The following QTMAN variants were observed in gnomAD, a reference collection of about 807,000 sequenced individuals.
QTMAN encodes the protein queuosine-tRNA mannosyltransferase, also known as tRNA-queuosine alpha-mannosyltransferase.
At chr2:144,268,240 T>C in the QTMAN span, among the ~76,000 whole-genome samples, 435 of 152,320 alleles carry the variant, frequency 2.9e-3, 3 homozygotes, top group Middle Eastern at 0.027. Flanking sequence ...CCCTTTCTTC[T>C]GCCATGAATG....
the QTMAN span, among the ~76,000 whole-genome samples, chr2:144,115,865 A>T: frequency 6.6e-6 from 1 of 152,218 alleles, no homozygotes; most frequent in Admixed American, 6.5e-5. Flanking sequence ...AATGGTATTC[A>T]GAGAAATTCT....
the QTMAN span, among the ~76,000 whole-genome samples, chr2:144,068,227 C>T: frequency 6.6e-6 from 1 of 152,142 alleles, no homozygotes; most frequent in Non-Finnish European, 1.5e-5. Flanking sequence ...TTTAAACCCT[C>T]ACTTTATCAG....
chr2:144,040,337 T>C, the QTMAN span, among the ~76,000 whole-genome samples: 1 of 152,062 alleles, frequency 6.6e-6, no homozygotes, highest in Admixed American at 6.6e-5. Context: ...TACTTTATTA[T>C]CACTTGCTTC....
chr2:144,093,772 ATATTTAT>A, the QTMAN span, among the ~76,000 whole-genome samples: 40 of 152,276 alleles, frequency 2.6e-4, no homozygotes, highest in African/African-American at 9.4e-4. Flanking sequence ...AAGGGAAGCA[ATATTTAT>A]GTGGATATGT....
the QTMAN span, among the ~76,000 whole-genome samples, chr2:144,282,590 T>C: frequency 6.6e-6 from 1 of 152,076 alleles, no homozygotes; most frequent in Non-Finnish European, 1.5e-5. Flanking sequence ...CTTCCATCTA[T>C]AAAGTTCTAT....
chr2:144,023,488 A>G, the QTMAN span, among the ~76,000 whole-genome samples: 1 of 152,216 alleles, frequency 6.6e-6, no homozygotes, highest in Non-Finnish European at 1.5e-5. Flanking sequence ...CCCTCTTCTG[A>G]GCTTTAAAAA....
chr2:144,141,856 T>C, the QTMAN span: 1 of 1,530,602 alleles, frequency 6.5e-7, no homozygotes, highest in Non-Finnish European at 8.9e-7. Flanking sequence ...TGACACAATA[T>C]TGAGAACAGA....
chr2:144,252,187 C>G, the QTMAN span, among the ~76,000 whole-genome samples: 1 of 152,060 alleles, frequency 6.6e-6, no homozygotes, highest in Non-Finnish European at 1.5e-5. Context: ...GGCAACAAAG[C>G]AAGACCCTGT....
At chr2:144,141,868 T>A in the QTMAN span, 1 of 1,573,908 alleles carries the variant, frequency 6.4e-7, no homozygotes, top group Non-Finnish European at 8.7e-7. Flanking sequence ...GAGAACAGAG[T>A]CAAACATACT....
chr2:144,135,282 C>G, the QTMAN span, among the ~76,000 whole-genome samples: 1 of 152,136 alleles, frequency 6.6e-6, no homozygotes. Context: ...TGCGCAGATG[C>G]AGCCTGCTCC....
chr2:144,067,276 T>C, the QTMAN span, among the ~76,000 whole-genome samples: 1 of 152,194 alleles, frequency 6.6e-6, no homozygotes. Flanking sequence ...ATACAGTACA[T>C]CAGGACAAAA....
At chr2:144,113,914 A>G in the QTMAN span, among the ~76,000 whole-genome samples, 1 of 152,238 alleles carries the variant, frequency 6.6e-6, no homozygotes, top group African/African-American at 2.4e-5. Flanking sequence ...TATGTTTTAA[A>G]TTGAAAAACA....
At chr2:144,095,095 C>T in the QTMAN span, among the ~76,000 whole-genome samples, 2 of 152,190 alleles carry the variant, frequency 1.3e-5, no homozygotes, top group Admixed American at 6.5e-5. Flanking sequence ...AGCCCCTTTA[C>T]TTCAGATGCT....
chr2:144,193,621 A>C, the QTMAN span, among the ~76,000 whole-genome samples: 1 of 151,946 alleles, frequency 6.6e-6, no homozygotes, highest in Admixed American at 6.6e-5. Flanking sequence ...CCTGGGCTCA[A>C]GTGATCGTCC....
chr2:143,991,384 T>TG, the QTMAN span, among the ~76,000 whole-genome samples: 1 of 151,590 alleles, frequency 6.6e-6, no homozygotes, highest in African/African-American at 2.4e-5. Context: ...AACTTCTCGG[T>TG]GGGGGGTCAG....
At chr2:143,955,221 A>C in the QTMAN span, among the ~76,000 whole-genome samples, 1 of 152,320 alleles carries the variant, frequency 6.6e-6, no homozygotes, top group African/African-American at 2.4e-5. Context: ...CTCATTATTA[A>C]AAAATAAAAA....
chr2:144,062,710 T>C, the QTMAN span, among the ~76,000 whole-genome samples: 4 of 152,176 alleles, frequency 2.6e-5, no homozygotes, highest in Non-Finnish European at 5.9e-5. Context: ...ATAACTACCA[T>C]GAAAAAATTA....
chr2:144,246,275 T>C, the QTMAN span, among the ~76,000 whole-genome samples: 1 of 152,112 alleles, frequency 6.6e-6, no homozygotes, highest in Non-Finnish European at 1.5e-5. Flanking sequence ...AAATAATGCC[T>C]AGAAAACAAA....
the QTMAN span, among the ~76,000 whole-genome samples, chr2:144,065,696 A>G: frequency 1.3e-5 from 2 of 151,984 alleles, no homozygotes; most frequent in African/African-American, 4.8e-5. Context: ...AAGTTTCCTC[A>G]AGTTATAAGT....
Sources: gnomAD v4.1 joint callset for allele counts (sites outside exome capture counted in the v4.1 genomes callset) on GRCh38, gnomAD v4.1.1 for gene constraint, MANE v1.5 for transcripts, NCBI Gene and HGNC (gene_info 2026-07-23, HGNC 2026-07-21) for gene names.